Variants in SAMMSON observed in about 807,000 individuals in gnomAD.
The protein encoded by SAMMSON is survival associated mitochondrial melanoma specific oncogenic non-coding RNA.
chr3:70,167,280 A>G (rs2067641122), intron 4 of SAMMSON, among the ~76,000 whole-genome samples: 1 of 152,002 alleles, frequency 6.6e-6, no homozygotes, highest in Non-Finnish European at 1.5e-5. Flanking sequence ...GTAGATTGGT[A>G]GAAACACAAA....
intron 3 of SAMMSON, among the ~76,000 whole-genome samples, chr3:70,017,736 T>G (rs1226407518): frequency 6.6e-6 from 1 of 152,162 alleles, no homozygotes; most frequent in East Asian, 1.9e-4. Flanking sequence ...TAAATAGCTC[T>G]TATTATTTTG....
intron 2 of SAMMSON, among the ~76,000 whole-genome samples, chr3:70,395,835 T>G (rs1325059900): frequency 6.6e-6 from 1 of 152,048 alleles, no homozygotes; most frequent in Non-Finnish European, 1.5e-5. Context: ...AAGGGCCAAG[T>G]GCTTCATGAA....
intron 4 of SAMMSON, among the ~76,000 whole-genome samples, chr3:70,101,070 G>C (rs1473099474): frequency 6.6e-6 from 1 of 152,106 alleles, no homozygotes; most frequent in African/African-American, 2.4e-5. Flanking sequence ...GGATTATTAT[G>C]GTTTAGAAGA....
At chr3:70,225,078 G>A (rs1403069) in intron 4 of SAMMSON, among the ~76,000 whole-genome samples, 65,261 of 151,922 alleles carry the variant, frequency 0.43, 14,293 homozygotes, top group East Asian at 0.71. Context: ...GTGTTGGAAA[G>A]TTACAGAATA....
intron 2 of SAMMSON, among the ~76,000 whole-genome samples, chr3:70,428,396 A>C (rs1701388858): frequency 6.6e-6 from 1 of 152,214 alleles, no homozygotes; most frequent in Admixed American, 6.5e-5. Flanking sequence ...CATGTAAAAC[A>C]ATAGAAAATA....
At chr3:70,189,029 G>C (rs759650035) in intron 4 of SAMMSON, among the ~76,000 whole-genome samples, 3 of 152,120 alleles carry the variant, frequency 2.0e-5, no homozygotes, top group Non-Finnish European at 4.4e-5. Context: ...TGAATCTTTA[G>C]AATGTTTCTC....
intron 6 of SAMMSON, among the ~76,000 whole-genome samples, chr3:70,279,102 T>A (rs1158942655): frequency 6.7e-6 from 1 of 150,342 alleles, no homozygotes; most frequent in African/African-American, 2.4e-5. Context: ...CCAAATGACA[T>A]ACTAGATAGA....
intron 4 of SAMMSON, among the ~76,000 whole-genome samples, chr3:70,242,430 G>A (rs931233372): frequency 6.6e-6 from 1 of 152,138 alleles, no homozygotes; most frequent in Non-Finnish European, 1.5e-5. Flanking sequence ...TTGAGAATAT[G>A]AAATCTCAGT....
chr3:70,026,619 G>A (rs2067040260), intron 3 of SAMMSON, among the ~76,000 whole-genome samples: 2 of 152,166 alleles, frequency 1.3e-5, no homozygotes, highest in Admixed American at 1.3e-4. Context: ...AAATTGTTAA[G>A]ATCACATAAT....
chr3:70,331,482 A>G (rs940965750), intron 7 of SAMMSON, among the ~76,000 whole-genome samples: 3 of 152,200 alleles, frequency 2.0e-5, no homozygotes, highest in African/African-American at 7.2e-5. Flanking sequence ...TATTCAATCT[A>G]TTCTAGGCTT....
At chr3:70,060,447 A>G (rs1452304665) in intron 3 of SAMMSON, among the ~76,000 whole-genome samples, 4 of 152,138 alleles carry the variant, frequency 2.6e-5, no homozygotes, top group Non-Finnish European at 5.9e-5. Context: ...CATAGGCACT[A>G]TAATTCATAT....
At chr3:70,028,129 C>T (rs1359636067) in intron 3 of SAMMSON, among the ~76,000 whole-genome samples, 7 of 139,614 alleles carry the variant, frequency 5.0e-5, no homozygotes, top group East Asian at 2.1e-4. Context: ...TTCCTTCCGT[C>T]CCTTCCTTCC....
chr3:70,199,613 T>C (rs893796216), intron 4 of SAMMSON, among the ~76,000 whole-genome samples: 7 of 152,184 alleles, frequency 4.6e-5, no homozygotes, highest in Non-Finnish European at 7.4e-5. Context: ...AAAAGGCATG[T>C]TAAATAGTTC....
At chr3:70,082,808 A>C (rs1017138998) in intron 4 of SAMMSON, among the ~76,000 whole-genome samples, 1 of 152,182 alleles carries the variant, frequency 6.6e-6, no homozygotes, top group Admixed American at 6.5e-5. Flanking sequence ...AGCATCTACC[A>C]TGTACTGGTT....
chr3:70,178,354 A>G (rs1317037983), intron 4 of SAMMSON, among the ~76,000 whole-genome samples: 2 of 152,166 alleles, frequency 1.3e-5, no homozygotes, highest in Non-Finnish European at 2.9e-5. Context: ...AGCATTTCTT[A>G]AACTGCAGTA....
At chr3:70,383,939 T>C (rs1223670797) in intron 9 of SAMMSON, among the ~76,000 whole-genome samples, 1 of 152,092 alleles carries the variant, frequency 6.6e-6, no homozygotes, top group East Asian at 1.9e-4. Flanking sequence ...GCACTACCTG[T>C]CAATTTTTAT....
chr3:70,314,043 C>T (rs1230876334), intron 7 of SAMMSON, among the ~76,000 whole-genome samples: 1 of 152,132 alleles, frequency 6.6e-6, no homozygotes, highest in Non-Finnish European at 1.5e-5. Context: ...ACCTTGAAGG[C>T]TTCTTCATCT....
intron 7 of SAMMSON, among the ~76,000 whole-genome samples, chr3:70,301,315 T>C (rs1287713036): frequency 5.3e-5 from 8 of 152,134 alleles, no homozygotes; most frequent in African/African-American, 1.4e-4. Flanking sequence ...TATGTTCATA[T>C]GGTTTCGTGT....
chr3:70,000,178 C>T (rs2066900371), intron 1 of SAMMSON, among the ~76,000 whole-genome samples: 1 of 152,164 alleles, frequency 6.6e-6, no homozygotes, highest in African/African-American at 2.4e-5. Context: ...CAGGAGCACA[C>T]ACGTCCACTG....
Sources: gnomAD v4.1 joint callset for allele counts (sites outside exome capture counted in the v4.1 genomes callset) on GRCh38, gnomAD v4.1.1 for gene constraint, MANE v1.5 for transcripts, NCBI Gene and HGNC (gene_info 2026-07-23, HGNC 2026-07-21) for gene names.